The following SOX5 variants were observed in gnomAD, a reference collection of about 807,000 sequenced individuals.
The protein encoded by SOX5 is transcription factor SOX-5.
In SOX5, 9 loss-of-function variants were observed where a neutral mutation model predicts 92.0. The observed-to-expected ratio is 0.10, with a 90% CI of 0.06 to 0.17. The LOEUF is 0.17. Among genes scored for constraint, SOX5 ranks in the 10% least tolerant of loss-of-function variants. The pLI is 1.00. For missense variants in SOX5, 642 were observed against 944.5 expected (o/e 0.68, Z 4.20); for synonymous variants, 344 against 336.3 (o/e 1.02, Z -0.25).
chr12:23,660,993 C>T (rs912445818), intron 7 of SOX5, among the ~76,000 whole-genome samples: 5 of 152,128 alleles, frequency 3.3e-5, no homozygotes, highest in South Asian at 4.1e-4. Flanking sequence ...GTTTGAGAAC[C>T]ATGGCACTAG....
chr12:23,896,072 C>T, intron 1 of SOX5, 48 bp from the exon 2 acceptor site: 1 of 1,298,092 alleles, frequency 7.7e-7, no homozygotes, highest in Non-Finnish European at 1.1e-6. Context: ...CACATAAATC[C>T]TTAATGCCGT....
chr12:23,940,745 T>TACACACACACACACACACACAC (rs36124621), intron 1 of SOX5, among the ~76,000 whole-genome samples: 2 of 139,668 alleles, frequency 1.4e-5, no homozygotes, highest in African/African-American at 2.7e-5. Context: ...AGATAAGTAT[T>TACACACACACACACACACACAC]ACACACACAC....
chr12:24,179,426 G>A (rs1460289302), intron 4 of SOX5, among the ~76,000 whole-genome samples: 1 of 152,172 alleles, frequency 6.6e-6, no homozygotes, highest in Non-Finnish European at 1.5e-5. Flanking sequence ...CTATCAATAT[G>A]TAGTAGGATA....
At chr12:23,637,117 C>T (rs1003555669) in intron 8 of SOX5, among the ~76,000 whole-genome samples, 8 of 152,028 alleles carry the variant, frequency 5.3e-5, no homozygotes, top group Non-Finnish European at 1.0e-4. Context: ...AAAACAGGAT[C>T]CTTTTGTGTT....
At chr12:24,234,305 AACAAT>A (rs1452056027) in intron 3 of SOX5, among the ~76,000 whole-genome samples, 8 of 152,222 alleles carry the variant, frequency 5.3e-5, no homozygotes, top group African/African-American at 1.9e-4. Flanking sequence ...TTACCATATA[AACAAT>A]ACAATTTTTA....
chr12:24,328,510 G>C (rs1950956806), intron 2 of SOX5, among the ~76,000 whole-genome samples: 1 of 152,162 alleles, frequency 6.6e-6, no homozygotes, highest in Non-Finnish European at 1.5e-5. Flanking sequence ...ACATCTGTGA[G>C]AAAGTGGGTA....
intron 4 of SOX5, among the ~76,000 whole-genome samples, chr12:23,741,551 C>T (rs2093797009): frequency 6.6e-6 from 1 of 151,888 alleles, no homozygotes; most frequent in Non-Finnish European, 1.5e-5. Flanking sequence ...GAGGTCAAGG[C>T]ATTAGTATTA....
intron 2 of SOX5, among the ~76,000 whole-genome samples, chr12:24,291,359 A>C (rs957364013): frequency 6.6e-6 from 1 of 152,218 alleles, no homozygotes; most frequent in Non-Finnish European, 1.5e-5. Context: ...AGCTAAAGAG[A>C]GATCAAATAA....
At position 24,320,003 on chromosome 12, in the gene SOX5, T is replaced by C. The variant is rs1251008487; in HGVS notation, c.-173-42691A>G. On this transcript the variant is annotated intron_variant, in intron 2 of 4. Coordinates refer to the SOX5 transcript ENST00000446891. ...CACTCATGTCATGGTTGACTGTGGA[T>C]GTTTGTTTATATTTCTACTAGACTG... is the stretch of plus-strand genomic sequence containing the variant. Among the ~76,000 whole-genome samples, 3 of 152,238 alleles carry C rather than the reference T, an allele frequency of 2.0e-5. No individual in the cohort carries two copies. In the South Asian group the frequency reaches 6.2e-4, roughly 32 times the overall value.
At chr12:24,016,001 T>C (rs1297869184) in intron 4 of SOX5, among the ~76,000 whole-genome samples, 1 of 151,888 alleles carries the variant, frequency 6.6e-6, no homozygotes, top group East Asian at 1.9e-4. Context: ...TAGTAATCTC[T>C]ACCTTATGTC....
At chr12:23,554,835 T>C (rs1295155320) in intron 11 of SOX5, among the ~76,000 whole-genome samples, 1 of 152,154 alleles carries the variant, frequency 6.6e-6, no homozygotes, top group African/African-American at 2.4e-5. Flanking sequence ...ATAAACATAA[T>C]AAAGAATCTA....
intron 6 of SOX5, among the ~76,000 whole-genome samples, chr12:23,693,303 T>C (rs529984637): frequency 5.7e-4 from 87 of 152,228 alleles, no homozygotes; most frequent in African/African-American, 1.9e-3. Context: ...TATGGATTTG[T>C]AGTAGAGGTG....
chr12:24,207,341 C>A (rs542004596), intron 4 of SOX5, among the ~76,000 whole-genome samples: 5 of 151,770 alleles, frequency 3.3e-5, no homozygotes, highest in Admixed American at 6.6e-5. Context: ...TTCCTATAAC[C>A]GAGAACAATA....
At chr12:23,841,562 C>T (rs1016955103) in intron 3 of SOX5, among the ~76,000 whole-genome samples, 1 of 151,774 alleles carries the variant, frequency 6.6e-6, no homozygotes, top group Non-Finnish European at 1.5e-5. Context: ...CTTTGATAGG[C>T]AAAAAGAATT....
At chr12:23,998,504 A>T (rs969964827) in intron 4 of SOX5, among the ~76,000 whole-genome samples, 4 of 151,946 alleles carry the variant, frequency 2.6e-5, no homozygotes, top group African/African-American at 9.7e-5. Context: ...AAAAGAGAGG[A>T]GGAAAAAAAG....
Position 24,489,900 on chromosome 12 carries a change from T to C in SOX5, c.-251+72429A>G, listed in dbSNP as rs375345162. ...CTAACTACACGTTGGGATTCCTGCC[T>C]GAGAAACGTAGTCCAGAACTGCACC... On this transcript the variant is annotated intron_variant, in intron 1 of 4. Coordinates refer to the SOX5 transcript ENST00000446891. Among the ~76,000 whole-genome samples the C allele has an allele frequency of 5.8e-4, 88 of 152,352 alleles. 1 individual carries two copies. The South Asian group carries it at 0.018, about 31-fold the overall frequency.
chr12:23,893,618 C>T (rs2097150265), intron 2 of SOX5, among the ~76,000 whole-genome samples: 1 of 152,136 alleles, frequency 6.6e-6, no homozygotes, highest in Non-Finnish European at 1.5e-5. Context: ...TCATAATTAT[C>T]TACATTCATC....
At chr12:23,941,815 C>T (rs1266291331) in intron 1 of SOX5, among the ~76,000 whole-genome samples, 2 of 151,332 alleles carry the variant, frequency 1.3e-5, no homozygotes, top group African/African-American at 4.8e-5. Flanking sequence ...CTTATCCTAA[C>T]GAATCTCCAA....
chr12:23,546,079 C>T (rs1329027952), intron 12 of SOX5, among the ~76,000 whole-genome samples: 1 of 152,044 alleles, frequency 6.6e-6, no homozygotes, highest in African/African-American at 2.4e-5. Flanking sequence ...ACTCCTGAGG[C>T]TCAGGCTCTT....
Sources: allele counts gnomAD v4.1 joint callset (sites outside exome capture counted in the v4.1 genomes callset), GRCh38; gene constraint gnomAD v4.1.1; transcripts MANE v1.5; gene names NCBI Gene and HGNC (gene_info 2026-07-23, HGNC 2026-07-21).